TPPP: variants seen among roughly 807,000 people sequenced by gnomAD.
TPPP encodes tubulin polymerization promoting protein.
TPPP carries 6 observed loss-of-function variants against 15.5 expected under a neutral mutation model. That is an observed-to-expected ratio of 0.39 (90% CI 0.21 to 0.77). The LOEUF (loss-of-function observed/expected upper bound fraction) is 0.77, where lower values mean the gene tolerates loss of function less well. Ranked by LOEUF, TPPP falls within the 30% of genes least tolerant of loss-of-function variation. The probability of loss-of-function intolerance (pLI) is 0.42; values close to 1 mark genes in which losing one functional copy is unlikely to be tolerated. For missense variants in TPPP, 269 were observed against 307.2 expected (o/e 0.88, Z 0.93); for synonymous variants, 146 against 133.9 (o/e 1.09, Z -0.63).
chr5:677,429 C>T (rs767205043), intron 2 of TPPP, among the ~76,000 whole-genome samples: 3 of 152,228 alleles, frequency 2.0e-5, no homozygotes, highest in Non-Finnish European at 4.4e-5. Flanking sequence ...GCATTCACCC[C>T]GAGTCTGCTC....
rs114429348 is a variant in TPPP at position 659,916 on chromosome 5, C to T, written c.*5186G>A. On this transcript the variant is annotated 3_prime_UTR_variant, in exon 4 of 4. Transcript: ENST00000360578. ...TTACCAACTTGACACACAATGTTAA[C>T]GACAGCAGACACAGGAGCAGTGTGC... is the stretch of plus-strand genomic sequence containing the variant. 7.9e-3 allele frequency: 1,208 copies of T among 152,456 alleles called. 8 individuals are homozygous for T. Among genetic ancestry groups the T allele is most frequent in the African/African-American group, 0.014 (579 of 41,562 alleles). 9.4% of individuals were successfully genotyped at this position (152,456 alleles called of 1,614,324 possible). A position where few individuals can be genotyped will look rare whatever the true frequency, so the allele number is the denominator to read the frequency against.
upstream of TPPP, among the ~76,000 whole-genome samples, chr5:696,560 G>A (rs1357902689): frequency 4.3e-5 from 6 of 141,168 alleles, no homozygotes; most frequent in African/African-American, 1.3e-4. Context: ...CCTGGGCTGG[G>A]GACAAGCTAC....
intron 1 of TPPP, among the ~76,000 whole-genome samples, chr5:682,122 C>T (rs1740640418): frequency 6.6e-6 from 1 of 150,794 alleles, no homozygotes; most frequent in African/African-American, 2.5e-5. Context: ...GAAAACCTGC[C>T]AGAACAGAAT....
chr5:692,914 G>C (rs1260176461), intron 1 of TPPP: 1 of 914,840 alleles, frequency 1.1e-6, no homozygotes, highest in Non-Finnish European at 1.3e-6. Context: ...TTCGAGTCCC[G>C]AGCTGGGGAG....
At chr5:677,623 GGGC>G in intron 2 of TPPP, 124 bp downstream of exon 2, 1 of 849,224 alleles carries the variant, frequency 1.2e-6, no homozygotes, top group Non-Finnish European at 1.7e-6. Context: ...CTTCTGAGAA[GGGC>G]GGGGTCTTGA....
Position 667,934 on chromosome 5 carries a change from A to G in TPPP, c.312-1811T>C, listed in dbSNP as rs1739996447. Among the ~76,000 whole-genome samples the G allele has an allele frequency of 3.5e-5, 2 of 57,966 alleles. 1 individual carries two copies. Among genetic ancestry groups the G allele is most frequent in the Non-Finnish European group, 5.7e-5 (2 of 34,990 alleles). 38.0% of individuals were successfully genotyped at this position (57,966 alleles called of 152,430 possible). On this transcript the variant is annotated intron_variant, in intron 2 of 3. Coordinates refer to ENST00000360578, the MANE Select transcript of TPPP (RefSeq NM_007030.3). ...GGGAAGTACCGACAAGCACACAGAG[A>G]GGGGGCCGTGTGGGCGCCGTCAGGG...
At chr5:674,372 C>T (rs542745699) in intron 2 of TPPP, among the ~76,000 whole-genome samples, 1 of 152,298 alleles carries the variant, frequency 6.6e-6, no homozygotes, top group East Asian at 1.9e-4. Flanking sequence ...GCCCTGGCAG[C>T]CAAGGGGAGG....
rs189999109 is a variant in TPPP, at chr5:668,401, G to A, written c.312-2278C>T. On this transcript the variant is annotated intron_variant, in intron 2 of 3. Transcript: ENST00000360578. ...GCGTGGGCCTCGTCAGGGAAGTACC[G>A]ACAAGCACACAGAGAGGGGGCCGCG... Among the ~76,000 whole-genome samples, 488 of 115,588 alleles carry A rather than the reference G, an allele frequency of 4.2e-3. 48 individuals are homozygous for A. The highest frequency in any genetic ancestry group is 0.017 in the African/African-American group (461 of 26,930). 75.8% of individuals were successfully genotyped at this position (115,588 alleles called of 152,430 possible).
At position 661,847 on chromosome 5, in the gene TPPP, C is replaced by T. The variant is rs1287228066; in HGVS notation, c.*3255G>A. The T allele has an allele frequency of 6.6e-6, 1 of 152,324 alleles. No homozygotes were observed. Among genetic ancestry groups the T allele is most frequent in the East Asian group, 1.9e-4 (1 of 5,312 alleles). 9.4% of individuals were successfully genotyped at this position (152,324 alleles called of 1,614,324 possible). A position where few individuals can be genotyped will look rare whatever the true frequency, so the allele number is the denominator to read the frequency against. On this transcript the variant is annotated 3_prime_UTR_variant, in exon 4 of 4. Transcript: ENST00000360578. ...GTGTTTTCAAAGATTCGCTTTGGAG[C>T]TGAGTGGAGAAGGGTGCTCTCCTGG...
rs72707008 is a variant in TPPP, at chr5:662,534, C to T, written c.*2568G>A. On this transcript the variant is annotated 3_prime_UTR_variant, in exon 4 of 4. Coordinates refer to ENST00000360578, the MANE Select transcript of TPPP (RefSeq NM_007030.3). ...AACCCGCCCTTCCCTCCGTCCTGAC[C>T]CGGCGCCAGGCTCAGCTCCAGGGCG... 2,325 of 152,598 alleles carry T rather than the reference C, an allele frequency of 0.015. 25 individuals are homozygous for T. Among genetic ancestry groups the T allele is most frequent in the Non-Finnish European group, 0.024 (1,629 of 68,196 alleles). The allele number at this position is 152,598 out of a possible 1,614,324, so 9.5% of individuals were successfully genotyped here.
At position 660,496 on chromosome 5, in the gene TPPP, G is replaced by A. The variant is rs1453823125; in HGVS notation, c.*4606C>T. ...GATGCAGGTTCAGTGTTTGAAGGAC[G>A]TTCTAGCCTATTGATAACATCACGG... On this transcript the variant is annotated 3_prime_UTR_variant, in exon 4 of 4. Coordinates refer to ENST00000360578, the MANE Select transcript of TPPP (RefSeq NM_007030.3). The A allele has an allele frequency of 1.3e-5, 2 of 152,500 alleles. No homozygotes were observed. The highest frequency in any genetic ancestry group is 2.1e-4 in the South Asian group (1 of 4,828). The allele number at this position is 152,500 out of a possible 1,614,324, so 9.4% of individuals were successfully genotyped here. A position where few individuals can be genotyped will look rare whatever the true frequency, so the allele number is the denominator to read the frequency against.
chr5:676,903 GCGCGCATACACGACGCAGAAACGCA>G (rs1468257914), intron 2 of TPPP, among the ~76,000 whole-genome samples: 2 of 131,662 alleles, frequency 1.5e-5, no homozygotes, highest in African/African-American at 3.5e-5. Flanking sequence ...AAACGCGCAC[GCGCGCATACACGACGCAGAAACGCA>G]CGCGCGCACA....
intron 2 of TPPP, among the ~76,000 whole-genome samples, chr5:668,975 G>A (rs1285285399): frequency 6.6e-6 from 1 of 152,220 alleles, no homozygotes; most frequent in African/African-American, 2.4e-5. Context: ...CAGCACCTGA[G>A]GGTTCCCATA....
At chr5:694,366 T>C (rs146926675), upstream of TPPP, among the ~76,000 whole-genome samples, 4,260 of 127,952 alleles carry the variant, frequency 0.033, 197 homozygotes, top group African/African-American at 0.1. Flanking sequence ...CTGGTGACTT[T>C]CAGCTGGACT....
chr5:697,005 C>T (rs112179875), upstream of TPPP, among the ~76,000 whole-genome samples: 10,500 of 138,522 alleles, frequency 0.076, 269 homozygotes, highest in African/African-American at 0.26. Flanking sequence ...TGTGTGCCTG[C>T]GTGTGCCTGT....
At chr5:673,353 G>A (rs1419107302) in intron 2 of TPPP, among the ~76,000 whole-genome samples, 1 of 152,102 alleles carries the variant, frequency 6.6e-6, no homozygotes, top group African/African-American at 2.4e-5. Context: ...CCCCCCGAGG[G>A]GAGTCCAAGC....
rs915815115 is a variant in TPPP, at chr5:661,718, G to A, written c.*3384C>T. ...GGAGGCGGCACACAGATGCAATTAC[G>A]GATTCCACAGACAAGTTGTAACTGA... On this transcript the variant is annotated 3_prime_UTR_variant, in exon 4 of 4. Coordinates refer to ENST00000360578, the MANE Select transcript of TPPP (RefSeq NM_007030.3). 1.3e-5 allele frequency: 2 copies of A among 152,364 alleles called. No individual in the cohort carries two copies. Among genetic ancestry groups the A allele is most frequent in the Non-Finnish European group, 2.9e-5 (2 of 68,056 alleles). 9.4% of individuals were successfully genotyped at this position (152,364 alleles called of 1,614,324 possible). A position where few individuals can be genotyped will look rare whatever the true frequency, so the allele number is the denominator to read the frequency against.
At chr5:684,389 G>A (rs2126910186) in intron 1 of TPPP, among the ~76,000 whole-genome samples, 1 of 152,304 alleles carries the variant, frequency 6.6e-6, no homozygotes, top group African/African-American at 2.4e-5. Context: ...CCCACGCCGT[G>A]TGGTCCTGGC....
intron 1 of TPPP, among the ~76,000 whole-genome samples, chr5:692,393 C>G (rs1168684934): frequency 7.7e-6 from 1 of 129,904 alleles, no homozygotes; most frequent in African/African-American, 2.8e-5. Flanking sequence ...AAACAGCAGC[C>G]CCCCAAACCC....
Sources: gnomAD v4.1 joint callset for allele counts (sites outside exome capture counted in the v4.1 genomes callset) on GRCh38, gnomAD v4.1.1 for gene constraint, MANE v1.5 for transcripts, NCBI Gene and HGNC (gene_info 2026-07-23, HGNC 2026-07-21) for gene names.